Variants in PTPN1 observed in about 807,000 individuals in gnomAD.
The protein encoded by PTPN1 is tyrosine-protein phosphatase non-receptor type 1.
A neutral mutation model predicts 59.9 loss-of-function variants in PTPN1; 12 were observed. That is an observed-to-expected ratio of 0.20 (90% CI 0.13 to 0.32). The LOEUF (loss-of-function observed/expected upper bound fraction) is 0.32, where lower values mean the gene tolerates loss of function less well. PTPN1 is among the 10% of genes least tolerant of loss of function. The pLI, the probability that PTPN1 is intolerant of heterozygous loss-of-function variation, is 1.00. For synonymous variants in PTPN1, 178 were observed against 203.6 expected (o/e 0.87, Z 1.07); for missense variants, 356 against 549.2 (o/e 0.65, Z 3.52).
chr20:50,547,628 C>G (rs1601400906), intron 1 of PTPN1, among the ~76,000 whole-genome samples: 1 of 152,186 alleles, frequency 6.6e-6, no homozygotes, highest in East Asian at 1.9e-4. Context: ...TCCCAAAGTG[C>G]TGGGATTACA....
chr20:50,555,155 A>G (rs1237797907), intron 1 of PTPN1, among the ~76,000 whole-genome samples: 1 of 152,266 alleles, frequency 6.6e-6, no homozygotes, highest in Admixed American at 6.5e-5. Flanking sequence ...AAGAAAATCA[A>G]TTAAATGAAA....
Position 50,574,674 on chromosome 20 carries a change from C to T in PTPN1, c.492+20C>T. On this transcript the variant is annotated intron_variant, in intron 5 of 9. Transcript: ENST00000371621. ...CTTACAGTGAGTATAGCACACACTT[C>T]AGCACTTCAGGCGGCTACTGGTTCA... 6.3e-7 allele frequency: 1 copy of T among 1,589,754 alleles called. No homozygotes were observed. Among genetic ancestry groups the T allele is most frequent in the Non-Finnish European group, 8.5e-7 (1 of 1,172,006 alleles).
At chr20:50,544,661 G>C (rs995876266) in intron 1 of PTPN1, among the ~76,000 whole-genome samples, 15 of 152,166 alleles carry the variant, frequency 9.9e-5, no homozygotes, top group African/African-American at 3.6e-4. Context: ...GGCCAGCGGG[G>C]CTCAAACCCA....
chr20:50,510,626 C>A (rs1215746952), intron 1 of PTPN1, 36 bp downstream of exon 1: 3 of 1,545,832 alleles, frequency 1.9e-6, no homozygotes, highest in Non-Finnish European at 2.6e-6. Flanking sequence ...GGGCCCTTCG[C>A]TTAGGCCGCT....
At chr20:50,561,011 C>G (rs2082749771) in intron 1 of PTPN1, among the ~76,000 whole-genome samples, 1 of 152,222 alleles carries the variant, frequency 6.6e-6, no homozygotes, top group Admixed American at 6.5e-5. Context: ...GGGCTACCCA[C>G]CCATGTCCTC....
At chr20:50,538,118 T>C (rs190625935) in intron 1 of PTPN1, among the ~76,000 whole-genome samples, 26 of 152,252 alleles carry the variant, frequency 1.7e-4, no homozygotes, top group Admixed American at 1.7e-3. Context: ...TCAGTTGATT[T>C]ATACTTCCTG....
Position 50,527,445 on chromosome 20 carries a change from G to A in PTPN1, c.63+16855G>A, listed in dbSNP as rs548239510. The stretch of plus-strand genomic sequence containing the variant: ...TGCAACCTCTGCCTCCCGGCTTCAG[G>A]CGATTCTCCTGCCCCAGCCTCCTGA... On this transcript the variant is annotated intron_variant, in intron 1 of 9. Coordinates refer to ENST00000371621, the MANE Select transcript of PTPN1 (RefSeq NM_002827.4). 5.3e-5 allele frequency among the ~76,000 whole-genome samples: 8 copies of A among 152,226 alleles called. No individual in the cohort carries two copies. In the South Asian group the frequency reaches 1.7e-3, roughly 32 times the overall value.
intron 1 of PTPN1, among the ~76,000 whole-genome samples, chr20:50,552,026 A>G (rs1004952264): frequency 6.6e-6 from 1 of 152,170 alleles, no homozygotes; most frequent in Non-Finnish European, 1.5e-5. Flanking sequence ...TTTTGCTTGC[A>G]GTGGAAGGCT....
intron 2 of PTPN1, among the ~76,000 whole-genome samples, chr20:50,564,503 A>G (rs1252647462): frequency 6.6e-6 from 1 of 152,138 alleles, no homozygotes; most frequent in African/African-American, 2.4e-5. Flanking sequence ...CTGAGGCAGG[A>G]GAAACATTTG....
chr20:50,550,025 A>T (rs113401621), intron 1 of PTPN1, among the ~76,000 whole-genome samples: 2 of 152,162 alleles, frequency 1.3e-5, no homozygotes, highest in African/African-American at 4.8e-5. Context: ...AACATGCATT[A>T]CTTTGAAGAT....
At chr20:50,574,753 C>A in intron 5 of PTPN1, 99 bp downstream of exon 5, 1 of 1,417,924 alleles carries the variant, frequency 7.1e-7, no homozygotes, top group Non-Finnish European at 9.6e-7. Context: ...GTGTTCCTGG[C>A]TTTTGTATAC....
intron 1 of PTPN1, among the ~76,000 whole-genome samples, chr20:50,541,719 C>T (rs1220828493): frequency 6.6e-6 from 1 of 152,174 alleles, no homozygotes; most frequent in Non-Finnish European, 1.5e-5. Context: ...CGTCCCTTCT[C>T]CACCCTGGCC....
At chr20:50,512,565 T>G (rs920346446) in intron 1 of PTPN1, among the ~76,000 whole-genome samples, 1 of 152,216 alleles carries the variant, frequency 6.6e-6, no homozygotes, top group Non-Finnish European at 1.5e-5. Flanking sequence ...GTGTTGAGAT[T>G]TTCACTGCTT....
At chr20:50,578,379 A>C in intron 5 of PTPN1, 41 bp from the exon 6 acceptor site, 1 of 1,525,862 alleles carries the variant, frequency 6.6e-7, no homozygotes, top group Non-Finnish European at 9.1e-7. Flanking sequence ...TTCTGTACAG[A>C]TGATTCTTTT....
rs185041837 is a variant in PTPN1, at chr20:50,579,577, C to T, written c.865-126C>T. 3.5e-5 allele frequency: 33 copies of T among 939,568 alleles called. No individual in the cohort carries two copies. In the African/African-American group the frequency reaches 5.3e-4, roughly 15 times the overall value. The allele number at this position is 939,568 out of a possible 1,614,324, so 58.2% of individuals were successfully genotyped here. On this transcript the variant is annotated intron_variant, in intron 7 of 9. Coordinates refer to ENST00000371621, the MANE Select transcript of PTPN1 (RefSeq NM_002827.4). ...TTCAAAAGATTTCATCTTCCAAGTA[C>T]ATGGCTGCAGCCCTGAGAGGCCGAG...
intron 1 of PTPN1, among the ~76,000 whole-genome samples, chr20:50,538,118 TA>T (rs1291493317): frequency 1.3e-5 from 2 of 152,134 alleles, no homozygotes; most frequent in African/African-American, 4.8e-5. Flanking sequence ...TCAGTTGATT[TA>T]TACTTCCTGG....
At chr20:50,580,118 G>A (rs564312688) in intron 8 of PTPN1, among the ~76,000 whole-genome samples, 192 bp downstream of exon 8, 1 of 152,230 alleles carries the variant, frequency 6.6e-6, no homozygotes, top group Non-Finnish European at 1.5e-5. Flanking sequence ...TTGGGCACAG[G>A]GTGGCCGCAG....
chr20:50,539,571 T>A (rs2082639541), intron 1 of PTPN1, among the ~76,000 whole-genome samples: 1 of 152,100 alleles, frequency 6.6e-6, no homozygotes, highest in Non-Finnish European at 1.5e-5. Flanking sequence ...TTTGACAGTC[T>A]AATTATCTTT....
intron 2 of PTPN1, 135 bp from the exon 3 acceptor site, chr20:50,564,834 A>C (rs2082771560): frequency 7.2e-7 from 1 of 1,390,390 alleles, no homozygotes; most frequent in Non-Finnish European, 9.7e-7. Flanking sequence ...ACTAATCTCA[A>C]CTAAAACAGG....
Sources: allele counts gnomAD v4.1 joint callset (sites outside exome capture counted in the v4.1 genomes callset), GRCh38; gene constraint gnomAD v4.1.1; transcripts MANE v1.5; gene names NCBI Gene and HGNC (gene_info 2026-07-23, HGNC 2026-07-21).